MAN1B1: variants seen among roughly 807,000 people sequenced by gnomAD.
The protein encoded by MAN1B1 is endoplasmic reticulum mannosyl-oligosaccharide 1,2-alpha-mannosidase.
MAN1B1 carries 66 observed loss-of-function variants against 75.5 expected under a neutral mutation model. That is an observed-to-expected ratio of 0.87 (90% CI 0.72 to 1.07). MAN1B1 has a LOEUF of 1.07. Among genes scored for constraint, MAN1B1 ranks in the 50% least tolerant of loss-of-function variants. The probability of loss-of-function intolerance (pLI) is 0.00; values close to 1 mark genes in which losing one functional copy is unlikely to be tolerated. For synonymous variants in MAN1B1, 453 were observed against 382.8 expected (o/e 1.18, Z -2.14); for missense variants, 973 against 912.5 (o/e 1.07, Z -0.85).
Position 137,108,544 on chromosome 9 carries a change from G to A in MAN1B1, c.2053G>A (p.Val685Met), listed in dbSNP as rs766402187. 5.0e-6 allele frequency: 8 copies of A among 1,613,936 alleles called. No homozygotes were observed. Among genetic ancestry groups the A allele is most frequent in the South Asian group, 4.4e-5 (4 of 91,084 alleles). ...AAACCTGCTCAGCCTGGATGCCTAC[G>A]TGTTCAACACCGAAGCCCACCCTCT... ...DPNLLSLDAY[V>M]FNTEAHPLPI... Residue 685 changes from valine to methionine, a missense_variant, in exon 13 of 13, where the codon GTG becomes ATG. Physicochemically the swap from Val to Met is conservative, Grantham distance 21 (BLOSUM62 1). Coordinates refer to ENST00000371589, the MANE Select transcript of MAN1B1 (RefSeq NM_016219.5).
At chr9:137,089,368 G>A (rs1438250533) in intron 3 of MAN1B1, 7 of 351,824 alleles carry the variant, frequency 2.0e-5, no homozygotes, top group African/African-American at 1.1e-4. Flanking sequence ...CAGGGCGCTG[G>A]TGAAGAACAG....
At position 137,089,020 on chromosome 9, in the gene MAN1B1, T is replaced by A. The variant is rs1255654047; in HGVS notation, c.465+15T>A. 1 of 1,613,714 alleles carries A rather than the reference T, an allele frequency of 6.2e-7. No homozygotes were observed. The highest frequency in any genetic ancestry group is 8.5e-7 in the Non-Finnish European group (1 of 1,179,912). The stretch of plus-strand genomic sequence containing the variant: ...TTTCGTCACAGGTACTTTGAGCAAA[T>A]GGTGTGGGGTTATAACTGGGGTTCA... On this transcript the variant is annotated intron_variant, in intron 3 of 12. Coordinates refer to ENST00000371589, the MANE Select transcript of MAN1B1 (RefSeq NM_016219.5).
intron 10 of MAN1B1, 103 bp downstream of exon 10, chr9:137,106,912 C>A: frequency 6.7e-7 from 1 of 1,496,540 alleles, no homozygotes; most frequent in Non-Finnish European, 9.0e-7. Context: ...GCCATGGCGC[C>A]CACGTGGAGG....
At chr9:137,098,723 T>C (rs2131008972) in intron 5 of MAN1B1, among the ~76,000 whole-genome samples, 1 of 152,272 alleles carries the variant, frequency 6.6e-6, no homozygotes, top group East Asian at 1.9e-4. Context: ...TAGTCAATGT[T>C]GGCCGGGCGT....
Position 137,105,473 on chromosome 9 carries a change from C to A in MAN1B1, c.1255-652C>A, listed in dbSNP as rs115499281. The A allele has an allele frequency of 7.3e-3, 1,415 of 194,352 alleles. 12 individuals carry two copies. The highest frequency in any genetic ancestry group is 0.022 in the African/African-American group (933 of 41,818). 12.0% of individuals were successfully genotyped at this position (194,352 alleles called of 1,614,324 possible). A position where few individuals can be genotyped will look rare whatever the true frequency, so the allele number is the denominator to read the frequency against. ...TGTCACCAGGGCCTCTGGTTGCTGC[C>A]GGTACACAGGGATAGGCAGCCAGGC... On this transcript the variant is annotated intron_variant, in intron 8 of 12. Coordinates refer to ENST00000371589, the MANE Select transcript of MAN1B1 (RefSeq NM_016219.5).
chr9:137,089,100 T>C (rs1459154840), intron 3 of MAN1B1, 95 bp downstream of exon 3: 12 of 1,466,834 alleles, frequency 8.2e-6, no homozygotes, highest in Non-Finnish European at 1.1e-5. Flanking sequence ...TCCTTTACCA[T>C]TTATTACCAC....
At chr9:137,104,012 C>T (rs897291405) in intron 8 of MAN1B1, 6 of 455,052 alleles carry the variant, frequency 1.3e-5, no homozygotes, top group Admixed American at 1.2e-4. Flanking sequence ...TACATTCACG[C>T]TGTTGCAGGA....
rs755610244 is a variant in MAN1B1, at chr9:137,087,079, C to T, written c.80C>T (p.Ala27Val). Residue 27 changes from alanine (A) to valine (V), a missense_variant, in exon 1 of 13, where the codon GCC (alanine) becomes GTC (valine). Coordinates refer to ENST00000371589, the MANE Select transcript of MAN1B1 (RefSeq NM_016219.5). ...SDFLTPPVGGAPWAVATTVVM... is the reference protein window; with the variant it reads ...SDFLTPPVGGVPWAVATTVVM... The stretch of plus-strand genomic sequence containing the variant: ...TTCCTGACGCCGCCAGTGGGCGGGG[C>T]CCCTTGGGCCGTCGCCACCACTGTA... The T allele has an allele frequency of 5.6e-6, 9 of 1,601,386 alleles. No homozygotes were observed. Among genetic ancestry groups the T allele is most frequent in the Non-Finnish European group, 7.7e-6 (9 of 1,175,842 alleles).
At chr9:137,104,967 C>G (rs894458719) in intron 8 of MAN1B1, 1 of 152,744 alleles carries the variant, frequency 6.5e-6, no homozygotes, top group Non-Finnish European at 1.5e-5. Context: ...AAGCGATTCT[C>G]CTGCCTCAGC....
intron 3 of MAN1B1, 137 bp downstream of exon 3, chr9:137,089,142 G>A (rs1210556053): frequency 8.9e-6 from 10 of 1,118,186 alleles, no homozygotes; most frequent in East Asian, 7.1e-5. Flanking sequence ...TGGACTGGTC[G>A]GATAATACTT....
chr9:137,100,189 G>A lies in MAN1B1; in HGVS notation c.916+308G>A, dbSNP rs569868932. ...GCTGGGGGTGGTGGGATGAGTGACT[G>A]TGGGGCCCCGCTGGTCCCAGATCTC... On this transcript the variant is annotated intron_variant, in intron 6 of 12. Transcript: ENST00000371589. 5.3e-5 allele frequency among the ~76,000 whole-genome samples: 8 copies of A among 152,348 alleles called. No homozygotes were observed. The East Asian group carries it at 1.3e-3, about 26-fold the overall frequency.
intron 3 of MAN1B1, chr9:137,089,220 C>G: frequency 1.6e-6 from 1 of 634,470 alleles, no homozygotes; most frequent in South Asian, 1.8e-5. Flanking sequence ...TCCGGTTTTA[C>G]TTCTGACTGT....
In MAN1B1 at chr9:137,108,951, C is replaced by T. The variant is rs552697854; in HGVS notation, c.*360C>T. The T allele has an allele frequency of 5.4e-4, 261 of 480,900 alleles. 1 individual carries two copies. Among genetic ancestry groups the T allele is most frequent in the African/African-American group, 4.9e-3 (253 of 51,132 alleles). 29.8% of individuals were successfully genotyped at this position (480,900 alleles called of 1,614,324 possible). Reference sequence around the variant, plus strand: ...CGAGTGGACAGCCCAGGGTGCAGCTCTGCCCGGGCTCGTGAAGCCTCAGAT... The same window carrying T: ...CGAGTGGACAGCCCAGGGTGCAGCTTTGCCCGGGCTCGTGAAGCCTCAGAT... On this transcript the variant is annotated 3_prime_UTR_variant, in exon 13 of 13. Transcript: ENST00000371589.
In MAN1B1 at chr9:137,108,559, G is replaced by GC. The variant is rs757554218; in HGVS notation, c.2071dup (p.His691ProfsTer155). The GC allele has an allele frequency of 6.2e-7, 1 of 1,613,906 alleles. No homozygotes were observed. Among genetic ancestry groups the GC allele is most frequent in the South Asian group, 1.1e-5 (1 of 91,086 alleles). The stretch of plus-strand genomic sequence containing the variant: ...GGATGCCTACGTGTTCAACACCGAA[G>GC]CCCACCCTCTGCCTATCTGGACCCC... On this transcript the variant is annotated frameshift_variant, in exon 13 of 13. Transcript: ENST00000371589. LOFTEE classifies it high-confidence loss of function.
chr9:137,107,197 C>T, intron 10 of MAN1B1, 53 bp from the exon 11 acceptor site: 1 of 1,581,534 alleles, frequency 6.3e-7, no homozygotes, highest in South Asian at 1.1e-5. Context: ...CGTGCAGCTG[C>T]AGGCTGAGGG....
Position 137,106,139 on chromosome 9 carries a change from G to C in MAN1B1, c.1269G>C (p.Lys423Asn). 6.2e-7 allele frequency: 1 copy of C among 1,612,976 alleles called. No homozygotes were observed. The highest frequency in any genetic ancestry group is 8.5e-7 in the Non-Finnish European group (1 of 1,179,898). ...GDKKFQEAVE[K>N]VTQHIHGLSG... ...TTCTGCCGCAGGAGGCAGTGGAGAA[G>C]GTGACACAGCACATCCACGGCCTGT... Residue 423 changes from lysine to asparagine, a missense_variant, in exon 9 of 13, where the codon AAG becomes AAC. Physicochemically the swap from Lys to Asn is moderately conservative, Grantham distance 94 (BLOSUM62 0). Transcript: ENST00000371589.
At chr9:137,101,433 G>T in intron 7 of MAN1B1, 51 bp from the exon 8 acceptor site, 1 of 1,526,362 alleles carries the variant, frequency 6.6e-7, no homozygotes. Context: ...GGGTGTAGAC[G>T]AGGCCTCTGG....
At position 137,101,000 on chromosome 9, in the gene MAN1B1, C is replaced by T. The variant is rs780545029; in HGVS notation, c.917-5C>T. On this transcript the variant is annotated splice_polypyrimidine_tract_variant and splice_region_variant and intron_variant, in intron 6 of 12. Coordinates refer to ENST00000371589, the MANE Select transcript of MAN1B1 (RefSeq NM_016219.5). ...CTCTGCATCCTTTACTGTTTTATGT[C>T]ATAGAATTTGAGGAAGCCAGGAAGT... The T allele has an allele frequency of 1.2e-6, 2 of 1,614,110 alleles. No homozygotes were observed. The highest frequency in any genetic ancestry group is 1.3e-5 in the African/African-American group (1 of 75,044).
intron 1 of MAN1B1, 54 bp from the exon 2 acceptor site, chr9:137,088,021 G>A: frequency 7.6e-7 from 1 of 1,311,580 alleles, no homozygotes; most frequent in Non-Finnish European, 1.1e-6. Context: ...TGACAGTTGA[G>A]ACGTTCCGTG....
Sources: gnomAD v4.1 joint callset for allele counts (sites outside exome capture counted in the v4.1 genomes callset) on GRCh38, gnomAD v4.1.1 for gene constraint, MANE v1.5 for transcripts, NCBI Gene and HGNC (gene_info 2026-07-23, HGNC 2026-07-21) for gene names.